The following VWA5B2 variants were observed in gnomAD, a reference collection of about 807,000 sequenced individuals.
VWA5B2 encodes von Willebrand factor A domain containing 5B2.
Under a neutral mutation model 118.5 loss-of-function variants are expected in VWA5B2, and 93 were observed. The ratio of observed to expected loss-of-function variants is 0.79; its 90% CI spans 0.66 to 0.93. The LOEUF (loss-of-function observed/expected upper bound fraction) is 0.93. Ranked by LOEUF, VWA5B2 falls within the 40% of genes least tolerant of loss-of-function variation. The pLI is 0.00. For synonymous variants in VWA5B2, 708 were observed against 716.3 expected, an observed-to-expected ratio of 0.99 and a Z score of 0.19; for missense variants, 1,546 against 1,672.8, an observed-to-expected ratio of 0.92 and a Z score of 1.32.
At chr3:184,232,881 G>C in intron 3 of VWA5B2, 3 of 479,676 alleles carry the variant, frequency 6.3e-6, no homozygotes, top group Non-Finnish European at 1.1e-5. Context: ...GGGGCAGAGG[G>C]TGTGGGTATT....
intron 3 of VWA5B2, 31 bp downstream of exon 3, chr3:184,230,948 T>C: frequency 8.3e-7 from 1 of 1,209,448 alleles, no homozygotes; most frequent in South Asian, 4.1e-5. Flanking sequence ...CCCGCGCTCC[T>C]GAAAGCCGGG....
At chr3:184,229,754 A>G (rs1031027752) in intron 1 of VWA5B2, among the ~76,000 whole-genome samples, 41 bp downstream of exon 1, 7 of 152,144 alleles carry the variant, frequency 4.6e-5, no homozygotes, top group Non-Finnish European at 7.4e-5. Flanking sequence ...CGATCCCCAG[A>G]GCCAGCCCGC....
At position 184,241,523 on chromosome 3, in the gene VWA5B2, C is replaced by T; in HGVS notation, c.3214C>T (p.Leu1072=). The T allele has an allele frequency of 1.3e-6, 2 of 1,550,272 alleles. No homozygotes were observed. Among genetic ancestry groups the T allele is most frequent in the African/African-American group, 1.4e-5 (1 of 73,178 alleles). The part of the protein sequence containing the change: ...RLQEAPGSFR[L]DAPFCAAVRI... Reference sequence around the variant, plus strand: ...GCAGGAGGCACCAGGCTCCTTCCGCCTGGACGCGCCCTTCTGCGCCGCTGT... The same window carrying T: ...GCAGGAGGCACCAGGCTCCTTCCGCTTGGACGCGCCCTTCTGCGCCGCTGT... Residue 1072 remains leucine (L), a synonymous_variant, in exon 20 of 20, where the codon CTG becomes TTG. Coordinates refer to ENST00000691901, the MANE Select transcript of VWA5B2 (RefSeq NM_001390846.1). This position sits in a 1 kb window ranked among gnomAD's most constrained non-coding sequence, Gnocchi z 5.1.
rs1344520852 is a variant in VWA5B2, at chr3:184,241,847, T to A, written c.3538T>A (p.Cys1180Ser). Residue 1180 changes from cysteine to serine, a missense_variant, in exon 20 of 20, where the codon TGC becomes AGC. Transcript: ENST00000691901. This position sits in a 1 kb window ranked among gnomAD's most constrained non-coding sequence, Gnocchi z 5.1. ...AGCACTCGCCTGGCTGGAGCACCGA[T>A]GCGCCGCTGCCTTCGACGAGTGGGA... ...AVALAWLEHR[C>S]AAAFDEWELT... 1 of 1,538,786 alleles carries A rather than the reference T, an allele frequency of 6.5e-7. No homozygotes were observed. Among genetic ancestry groups the A allele is most frequent in the Non-Finnish European group, 8.7e-7 (1 of 1,143,358 alleles).
At position 184,236,273 on chromosome 3, in the gene VWA5B2, T is replaced by C; in HGVS notation, c.1212+11T>C. The C allele has an allele frequency of 7.1e-6, 11 of 1,551,750 alleles. No homozygotes were observed. Among genetic ancestry groups the C allele is most frequent in the Non-Finnish European group, 9.6e-6 (11 of 1,146,988 alleles). On this transcript the variant is annotated intron_variant, in intron 9 of 19. Transcript: ENST00000691901. ...CGGCCTTGCAGTGATGTGAGTGTGG[T>C]CCAGGGATCTGGGGGCCTTACAGAG... is the stretch of plus-strand genomic sequence containing the variant.
rs1191703551 is a variant in VWA5B2 at position 184,237,641 on chromosome 3, C to T, written c.1719+230C>T. On this transcript the variant is annotated intron_variant, in intron 12 of 19. Coordinates refer to ENST00000691901, the MANE Select transcript of VWA5B2 (RefSeq NM_001390846.1). The surrounding 1 kb of genome is among the most constrained non-coding windows in gnomAD (Gnocchi z 5.6). ...ACTGAGTTGTCCTGCAAAGTGTTACCCCTCAGTTTTTACCCAAGGTCACTA... is the reference window on the plus strand; with the variant it reads ...ACTGAGTTGTCCTGCAAAGTGTTACTCCTCAGTTTTTACCCAAGGTCACTA... Among the ~76,000 whole-genome samples the T allele has an allele frequency of 6.6e-6, 1 of 152,162 alleles. No homozygotes were observed. The highest frequency in any genetic ancestry group is 1.5e-5 in the Non-Finnish European group (1 of 68,030).
chr3:184,230,858 C>G lies in VWA5B2; in HGVS notation c.251C>G (p.Ala84Gly). Reference sequence around the variant, plus strand: ...CAGAGCCGGCGCCGCTCGCAGGCCGCCTGCTGCCGCGCTCTGGGCCCGGGG... The same window carrying G: ...CAGAGCCGGCGCCGCTCGCAGGCCGGCTGCTGCCGCGCTCTGGGCCCGGGG... ...QLQSRRRSQAACCRALGPGLG... is the reference protein window; with the variant it reads ...QLQSRRRSQAGCCRALGPGLG... The change falls in exon 3 of 20, where the codon GCC becomes GGC. Residue 84 changes from alanine (A) to glycine (G), a missense_variant. Around this residue, in one of 3 missense-constraint regions of VWA5B2, gnomAD observed 775 missense variants for 882.3 expected, o/e 0.88. Coordinates refer to ENST00000691901, the MANE Select transcript of VWA5B2 (RefSeq NM_001390846.1). 8.0e-7 allele frequency: 1 copy of G among 1,242,332 alleles called. No homozygotes were observed. The highest frequency in any genetic ancestry group is 3.2e-5 in the South Asian group (1 of 31,436). 77.0% of individuals were successfully genotyped at this position (1,242,332 alleles called of 1,614,324 possible).
chr3:184,235,654 G>A lies in VWA5B2; in HGVS notation c.1101+346G>A, dbSNP rs552270217. Among the ~76,000 whole-genome samples the A allele has an allele frequency of 5.3e-5, 8 of 151,592 alleles. No individual in the cohort carries two copies. The South Asian group carries it at 1.7e-3, about 32-fold the overall frequency. On this transcript the variant is annotated intron_variant, in intron 8 of 19. Coordinates refer to ENST00000691901, the MANE Select transcript of VWA5B2 (RefSeq NM_001390846.1). The stretch of plus-strand genomic sequence containing the variant: ...CCTCCAGAGTCCCACACACAGCCAT[G>A]TGTACCTCCAGAGTCCCACACACAG...
intron 3 of VWA5B2, 112 bp downstream of exon 3, chr3:184,231,029 A>G: frequency 8.4e-7 from 1 of 1,187,732 alleles, no homozygotes; most frequent in Non-Finnish European, 1.0e-6. Context: ...TGCCTTGTGC[A>G]TTCATTGGCT....
At position 184,242,095 on chromosome 3, in the gene VWA5B2, G is replaced by T; in HGVS notation, c.*57G>T. 18 of 1,530,144 alleles carry T rather than the reference G, an allele frequency of 1.2e-5. No individual in the cohort carries two copies. The highest frequency in any genetic ancestry group is 1.6e-5 in the Non-Finnish European group (18 of 1,140,266). The allele number at this position is 1,530,144 out of a possible 1,614,324, so 94.8% of individuals were successfully genotyped here. A position where few individuals can be genotyped will look rare whatever the true frequency, so the allele number is the denominator to read the frequency against. ...CACCCAACACACTCAAGTCACTGCC[G>T]CCCAGGGCTGGCCTCTTGGTGCTGG... On this transcript the variant is annotated 3_prime_UTR_variant, in exon 20 of 20. Transcript: ENST00000691901.
chr3:184,242,182 T>C lies in VWA5B2; in HGVS notation c.*144T>C, dbSNP rs1324842712. 22 of 1,094,832 alleles carry C rather than the reference T, an allele frequency of 2.0e-5. No individual in the cohort carries two copies. Among genetic ancestry groups the C allele is most frequent in the African/African-American group, 1.6e-5 (1 of 63,992 alleles). 67.8% of individuals were successfully genotyped at this position (1,094,832 alleles called of 1,614,324 possible). ...TTCTTACTCCCTCCCTAGAGCCCTC[T>C]TGCCCCCACAAAAAGTGCCTGCCTG... On this transcript the variant is annotated 3_prime_UTR_variant, in exon 20 of 20. Transcript: ENST00000691901.
At position 184,230,799 on chromosome 3, in the gene VWA5B2, C is replaced by T. The variant is rs1438962335; in HGVS notation, c.192C>T (p.Ala64=). 3 of 1,246,858 alleles carry T rather than the reference C, an allele frequency of 2.4e-6. No individual in the cohort carries two copies. The highest frequency in any genetic ancestry group is 3.0e-5 in the South Asian group (1 of 33,028). The allele number at this position is 1,246,858 out of a possible 1,614,324, so 77.2% of individuals were successfully genotyped here. A position where few individuals can be genotyped will look rare whatever the true frequency, so the allele number is the denominator to read the frequency against. The change falls in exon 3 of 20, where the codon GCC becomes GCT. Residue 64 remains alanine (A), a synonymous_variant. Coordinates refer to ENST00000691901, the MANE Select transcript of VWA5B2 (RefSeq NM_001390846.1). The part of the protein sequence containing the change: ...AEAEVVSGFE[A]EAAGRRVSFQ... The stretch of plus-strand genomic sequence containing the variant: ...CCGAGGTGGTGTCCGGCTTCGAGGC[C>T]GAGGCCGCCGGACGGCGCGTCTCCT...
rs1303625968 is a variant in VWA5B2 at position 184,240,880 on chromosome 3, GCTA to G, written c.2837_2839del (p.Thr946del). On this transcript the variant is annotated inframe_deletion, in exon 17 of 20. Coordinates refer to ENST00000691901, the MANE Select transcript of VWA5B2 (RefSeq NM_001390846.1). The stretch of plus-strand genomic sequence containing the variant: ...CTTCACTTGCCCTGTAGCTGTGGAT[GCTA>G]CTACTAGGGAGGTCCTGCCTGGGGC... The G allele has an allele frequency of 6.4e-7, 1 of 1,551,564 alleles. No individual in the cohort carries two copies. Among genetic ancestry groups the G allele is most frequent in the Non-Finnish European group, 8.7e-7 (1 of 1,146,982 alleles).
At position 184,237,331 on chromosome 3, in the gene VWA5B2, C is replaced by T; in HGVS notation, c.1639C>T (p.Pro547Ser). The part of the protein sequence containing the change: ...VEALLTPREI[P>S]ALYPGDQLLG... ...GGCACTGCTGACCCCCCGGGAGATC[C>T]CAGCACTCTACCCTGGGGACCAGCT... The change falls in exon 12 of 20, where the codon CCA becomes TCA. Residue 547 changes from proline (P) to serine (S), a missense_variant. This residue lies in a region of VWA5B2 where 775 missense variants were observed against 882.3 expected (regional missense o/e 0.88). Transcript: ENST00000691901. This position sits in a 1 kb window ranked among gnomAD's most constrained non-coding sequence, Gnocchi z 5.6. 4 of 1,551,398 alleles carry T rather than the reference C, an allele frequency of 2.6e-6. No individual in the cohort carries two copies. The highest frequency in any genetic ancestry group is 3.5e-6 in the Non-Finnish European group (4 of 1,146,970).
Position 184,236,532 on chromosome 3 carries a change from T to C in VWA5B2, c.1402T>C (p.Trp468Arg). 1 of 1,550,198 alleles carries C rather than the reference T, an allele frequency of 6.5e-7. No individual in the cohort carries two copies. The highest frequency in any genetic ancestry group is 8.7e-7 in the Non-Finnish European group (1 of 1,146,962). ...CCACCGAACCCTGGAGCTCATGAGGTGGCACAGGGGGACAGCCAGGTATGG... is the reference window on the plus strand; with the variant it reads ...CCACCGAACCCTGGAGCTCATGAGGCGGCACAGGGGGACAGCCAGGTATGG... Reference protein sequence around the residue: ...TTHRTLELMRWHRGTARCFSF... With the variant: ...TTHRTLELMRRHRGTARCFSF... The change falls in exon 10 of 20, where the codon TGG (tryptophan) becomes CGG (arginine). Residue 468 changes from tryptophan (W) to arginine (R), a missense_variant. Transcript: ENST00000691901.
At chr3:184,236,300 G>A (rs1459320238) in intron 9 of VWA5B2, 38 bp downstream of exon 9, 1 of 1,551,494 alleles carries the variant, frequency 6.4e-7, no homozygotes, top group Non-Finnish European at 8.7e-7. Context: ...CTTACAGAGA[G>A]GTTTCAGCCC....
chr3:184,236,142 C>G lies in VWA5B2; in HGVS notation c.1102-10C>G, dbSNP rs1266108915. Reference sequence around the variant, plus strand: ...GCCGGCCTCACGCCGCCCTCCCTGGCCCTCCACAGGATGCCATTGTTTTGG... The same window carrying G: ...GCCGGCCTCACGCCGCCCTCCCTGGGCCTCCACAGGATGCCATTGTTTTGG... On this transcript the variant is annotated splice_polypyrimidine_tract_variant and intron_variant, in intron 8 of 19. Coordinates refer to ENST00000691901, the MANE Select transcript of VWA5B2 (RefSeq NM_001390846.1). 4 of 1,550,506 alleles carry G rather than the reference C, an allele frequency of 2.6e-6. No homozygotes were observed. In the East Asian group the frequency reaches 9.8e-5, roughly 38 times the overall value.
At position 184,239,529 on chromosome 3, in the gene VWA5B2, G is replaced by A; in HGVS notation, c.2338G>A (p.Asp780Asn). ...GAAACCCTCTTTGGGTGCAATACTA[G>A]ATGGCCCAAGTCCTGAGCCAGGCCA... Reference protein sequence around the residue: ...PRKPSLGAILDGPSPEPGQQL... With the variant: ...PRKPSLGAILNGPSPEPGQQL... Residue 780 changes from aspartate (D) to asparagine (N), a missense_variant, in exon 15 of 20, where the codon GAT becomes AAT. Physicochemically the swap from Asp to Asn is conservative, Grantham distance 23 (BLOSUM62 1). Around this residue, in one of 3 missense-constraint regions of VWA5B2, gnomAD observed 763 missense variants for 766.6 expected, o/e 1.00. Coordinates refer to ENST00000691901, the MANE Select transcript of VWA5B2 (RefSeq NM_001390846.1). This position sits in a 1 kb window ranked among gnomAD's most constrained non-coding sequence, Gnocchi z 5.1. The A allele has an allele frequency of 6.5e-7, 1 of 1,546,892 alleles. No homozygotes were observed. The highest frequency in any genetic ancestry group is 1.2e-5 in the South Asian group (1 of 83,694).
intron 1 of VWA5B2, among the ~76,000 whole-genome samples, chr3:184,230,067 G>A (rs1007649993): frequency 2.0e-5 from 3 of 152,138 alleles, no homozygotes; most frequent in Non-Finnish European, 4.4e-5. Context: ...GCCTCCGGGG[G>A]GATTCGGGCC....
Sources: gnomAD v4.1 joint callset for allele counts (sites outside exome capture counted in the v4.1 genomes callset) on GRCh38, gnomAD v4.1.1 for gene constraint, gnomAD v4.1.1 regional missense constraint, Gnocchi (gnomAD v3.1) non-coding constraint, MANE v1.5 for transcripts, NCBI Gene and HGNC (gene_info 2026-07-23, HGNC 2026-07-21) for gene names.